Variants in SGCD observed in about 807,000 individuals in gnomAD.
SGCD encodes the protein delta-sarcoglycan.
In SGCD, 18 loss-of-function variants were observed where a neutral mutation model predicts 36.6. The observed-to-expected ratio is 0.49, with a 90% CI of 0.34 to 0.73. SGCD has a LOEUF of 0.73. SGCD is among the 30% of genes least tolerant of loss of function. The probability of loss-of-function intolerance (pLI) is 0.01; values close to 1 mark genes in which losing one functional copy is unlikely to be tolerated. For missense variants in SGCD, 387 were observed against 346.7 expected, an observed-to-expected ratio of 1.12 and a Z score of -0.92; for synonymous variants, 133 against 130.6, an observed-to-expected ratio of 1.02 and a Z score of -0.12.
rs545416127 is a variant in SGCD at position 155,880,161 on chromosome 5, T to C, written c.-282+9737T>C. Among the ~76,000 whole-genome samples, 445 of 152,246 alleles carry C rather than the reference T, an allele frequency of 2.9e-3. 1 individual carries two copies. The highest frequency in any genetic ancestry group is 0.01 in the African/African-American group (419 of 41,558). ...CATGTGTGACTTGGGGCAAATCCCC[T>C]CCTGATTTCAGTTTTGTACCTTTAA... On this transcript the variant is annotated intron_variant, in intron 1 of 9. Transcript: ENST00000517913.
chr5:155,790,907 T>G, the SGCD span, among the ~76,000 whole-genome samples: 33 of 152,154 alleles, frequency 2.2e-4, no homozygotes, highest in Admixed American at 1.3e-4. Context: ...CTATCTGTCT[T>G]TCATGACACC....
chr5:156,593,815 C>A lies in SGCD; in HGVS notation c.383-1117C>A, dbSNP rs1254848856. On this transcript the variant is annotated intron_variant, in intron 5 of 8. Coordinates refer to ENST00000337851, the MANE Select transcript of SGCD (RefSeq NM_000337.6). ...GAAGGCACTGGGGACTCTCTCATTG[C>A]TATTTATTATTAAGTGACACTCTTT... Among the ~76,000 whole-genome samples, 3 of 152,180 alleles carry A rather than the reference C, an allele frequency of 2.0e-5. No homozygotes were observed. In the East Asian group the frequency reaches 5.8e-4, roughly 29 times the overall value.
intron 6 of SGCD, among the ~76,000 whole-genome samples, chr5:156,604,726 A>ATATATGTATATATACATATATGCACATTT (rs1761347264): frequency 9.1e-6 from 1 of 110,084 alleles, no homozygotes. Context: ...TATGCACATT[A>ATATATGTATATATACATATATGCACATTT]TATATGTATA....
chr5:155,932,396 T>C (rs1757115861), intron 1 of SGCD, among the ~76,000 whole-genome samples: 1 of 152,198 alleles, frequency 6.6e-6, no homozygotes, highest in African/African-American at 2.4e-5. Flanking sequence ...CCTCTACTTA[T>C]CAAACAGTTG....
Position 156,302,739 on chromosome 5 carries a change from A to G in SGCD, c.-43-26795A>G, listed in dbSNP as rs1170351221. 3.3e-5 allele frequency among the ~76,000 whole-genome samples: 5 copies of G among 152,176 alleles called. No individual in the cohort carries two copies. The East Asian group carries it at 7.7e-4, about 23-fold the overall frequency. On this transcript the variant is annotated intron_variant, in intron 3 of 9. Coordinates refer to the SGCD transcript ENST00000517913. ...ACTGAAGCTGGCTTGTAGAGGTACC[A>G]CCTTGGTGGTCTTGGGTTATATTTG...
chr5:156,548,664 T>C (rs1452067974), intron 4 of SGCD, among the ~76,000 whole-genome samples: 2 of 152,166 alleles, frequency 1.3e-5, no homozygotes, highest in Non-Finnish European at 2.9e-5. Flanking sequence ...ACTTTCCTTA[T>C]AACAGTGATA....
At chr5:156,042,126 C>T (rs1365663947) in intron 1 of SGCD, among the ~76,000 whole-genome samples, 4 of 151,994 alleles carry the variant, frequency 2.6e-5, no homozygotes, top group African/African-American at 9.7e-5. Context: ...TAGACTGTTT[C>T]CTCCAAATCT....
chr5:156,112,270 T>C (rs1447449813), intron 1 of SGCD, among the ~76,000 whole-genome samples: 1 of 152,200 alleles, frequency 6.6e-6, no homozygotes, highest in Non-Finnish European at 1.5e-5. Flanking sequence ...CTAAGAACAA[T>C]TATCAAGCAT....
chr5:156,689,778 A>G (rs1354588217), intron 7 of SGCD, among the ~76,000 whole-genome samples: 1 of 152,196 alleles, frequency 6.6e-6, no homozygotes, highest in East Asian at 1.9e-4. Flanking sequence ...AGATTATTCA[A>G]GATTAAAGAT....
chr5:156,241,287 T>C (rs939049259), intron 3 of SGCD, among the ~76,000 whole-genome samples: 3 of 148,480 alleles, frequency 2.0e-5, no homozygotes, highest in Non-Finnish European at 4.5e-5. Flanking sequence ...TGTGTGTGTG[T>C]GCATGTATGT....
rs772757035 is a variant in SGCD, at chr5:156,445,196, A to G, written c.193-63405A>G. 3.3e-5 allele frequency among the ~76,000 whole-genome samples: 5 copies of G among 152,122 alleles called. No homozygotes were observed. The highest frequency in any genetic ancestry group is 7.4e-5 in the Non-Finnish European group (5 of 68,014). ...GACTACTCTGACCTAAAAGTGGTAC[A>G]TATCTTTTCATTGCCTTATGTCGAT... On this transcript the variant is annotated intron_variant, in intron 3 of 8. Transcript: ENST00000337851.
At chr5:156,264,979 C>T (rs1765962606) in intron 3 of SGCD, among the ~76,000 whole-genome samples, 1 of 152,146 alleles carries the variant, frequency 6.6e-6, no homozygotes, top group South Asian at 2.1e-4. Context: ...CACACTCAGT[C>T]ACCACCATCA....
chr5:156,626,969 T>A (rs931003830), intron 6 of SGCD, among the ~76,000 whole-genome samples: 3 of 152,200 alleles, frequency 2.0e-5, no homozygotes, highest in African/African-American at 7.2e-5. Context: ...AGAGGTGTGA[T>A]CTCATAGTTT....
At chr5:156,320,364 C>G (rs1767625661) in intron 3 of SGCD, among the ~76,000 whole-genome samples, 1 of 152,130 alleles carries the variant, frequency 6.6e-6, no homozygotes, top group South Asian at 2.1e-4. Context: ...ATCATGTAGT[C>G]TAGCTTCCTT....
chr5:156,312,942 G>C (rs139637612), intron 3 of SGCD, among the ~76,000 whole-genome samples: 288 of 152,098 alleles, frequency 1.9e-3, no homozygotes, highest in African/African-American at 6.8e-3. Flanking sequence ...AACTAACTTT[G>C]AGCTTAATTT....
chr5:156,398,015 A>G (rs935448038), intron 3 of SGCD, among the ~76,000 whole-genome samples: 40 of 152,252 alleles, frequency 2.6e-4, no homozygotes, highest in African/African-American at 8.9e-4. Flanking sequence ...CCTTTATACA[A>G]GTGTTCCAGG....
intron 3 of SGCD, among the ~76,000 whole-genome samples, chr5:156,375,395 CTTTT>C (rs60179274): frequency 2.7e-5 from 3 of 110,734 alleles, no homozygotes; most frequent in African/African-American, 3.4e-5. Flanking sequence ...TCCTTCACAG[CTTTT>C]TTTTTTTTTT....
At chr5:155,989,750 T>G (rs1234594641) in intron 1 of SGCD, among the ~76,000 whole-genome samples, 1 of 152,218 alleles carries the variant, frequency 6.6e-6, no homozygotes, top group Non-Finnish European at 1.5e-5. Flanking sequence ...CAAGAAATAA[T>G]ACCATGTCTT....
At chr5:156,713,809 C>T (rs1251549070) in intron 7 of SGCD, among the ~76,000 whole-genome samples, 1 of 152,200 alleles carries the variant, frequency 6.6e-6, no homozygotes, top group African/African-American at 2.4e-5. Context: ...GGTTAGCCAA[C>T]TTCTAGTATT....
Sources: allele counts gnomAD v4.1 joint callset (sites outside exome capture counted in the v4.1 genomes callset), GRCh38; gene constraint gnomAD v4.1.1; transcripts MANE v1.5; gene names NCBI Gene and HGNC (gene_info 2026-07-23, HGNC 2026-07-21).